INSC: variants seen among roughly 807,000 people sequenced by gnomAD.
The protein encoded by INSC is INSC spindle orientation adaptor protein, also known as protein inscuteable homolog.
Under a neutral mutation model 58.6 loss-of-function variants are expected in INSC, and 67 were observed. The observed-to-expected ratio is 1.14, with a 90% CI of 0.94 to 1.40. The LOEUF is 1.40. Among genes scored for constraint, INSC ranks in the 40% most tolerant of loss-of-function variants. INSC has a pLI of 0.00. For synonymous variants in INSC, 262 were observed against 276.1 expected (o/e 0.95, Z 0.51); for missense variants, 714 against 692.0 (o/e 1.03, Z -0.36).
chr11:15,240,019 CT>C (rs1240939725), intron 11 of INSC, among the ~76,000 whole-genome samples: 7 of 152,068 alleles, frequency 4.6e-5, no homozygotes, highest in South Asian at 4.2e-4. Context: ...ATGAGGGTGT[CT>C]TTTTTTTCTT....
chr11:15,234,143 G>A (rs1852031161), intron 9 of INSC, among the ~76,000 whole-genome samples: 1 of 152,214 alleles, frequency 6.6e-6, no homozygotes. Flanking sequence ...GTGGTACAGA[G>A]TTGCTTTCAG....
Position 15,176,127 on chromosome 11 carries a change from C to A in INSC, c.402+41C>A. The A allele has an allele frequency of 1.4e-6, 2 of 1,447,740 alleles. No individual in the cohort carries two copies. Among genetic ancestry groups the A allele is most frequent in the South Asian group, 2.9e-5 (2 of 69,552 alleles). The allele number at this position is 1,447,740 out of a possible 1,614,324, so 89.7% of individuals were successfully genotyped here. On this transcript the variant is annotated intron_variant, in intron 3 of 12. Transcript: ENST00000379556. Reference sequence around the variant, plus strand: ...ATAGGAGTGGGCGGGAACTGGAAGTCAGGGTGCTTTAGAGAAGAGTGGGTT... The same window carrying A: ...ATAGGAGTGGGCGGGAACTGGAAGTAAGGGTGCTTTAGAGAAGAGTGGGTT...
At chr11:15,190,898 C>T (rs977722771) in intron 6 of INSC, 84 bp downstream of exon 6, 23 of 906,732 alleles carry the variant, frequency 2.5e-5, no homozygotes, top group South Asian at 5.5e-5. Context: ...AGCTGGCTCA[C>T]GAGGTCTGTC....
At chr11:15,234,975 C>T (rs539589432) in intron 9 of INSC, among the ~76,000 whole-genome samples, 1 of 152,326 alleles carries the variant, frequency 6.6e-6, no homozygotes, top group South Asian at 2.1e-4. Context: ...TTCCTACAGG[C>T]AGAGACTTTC....
chr11:15,268,375 A>G, the INSC span, among the ~76,000 whole-genome samples: 1 of 152,062 alleles, frequency 6.6e-6, no homozygotes. Context: ...CTTTCAACAC[A>G]TAATAAAAAT....
chr11:15,178,990 A>G (rs1264760233), intron 5 of INSC, among the ~76,000 whole-genome samples: 1 of 152,204 alleles, frequency 6.6e-6, no homozygotes, highest in Non-Finnish European at 1.5e-5. Context: ...CTGACAACAG[A>G]GAAGAATCTA....
intron 1 of INSC, among the ~76,000 whole-genome samples, chr11:15,140,362 C>T (rs1052129952): frequency 2.0e-5 from 3 of 152,136 alleles, no homozygotes; most frequent in Non-Finnish European, 2.9e-5. Context: ...AGCGTACTTG[C>T]GCTTTCCCAG....
At chr11:15,241,575 G>T in intron 12 of INSC, 1 of 702,926 alleles carries the variant, frequency 1.4e-6, no homozygotes. Context: ...AGGCTATGGG[G>T]ATACAGCTGC....
At chr11:15,234,026 A>C (rs1397847928) in intron 9 of INSC, among the ~76,000 whole-genome samples, 1 of 152,206 alleles carries the variant, frequency 6.6e-6, no homozygotes, top group Admixed American at 6.5e-5. Flanking sequence ...AAGTGCAAAA[A>C]CAAGTAAATA....
At chr11:15,162,833 G>A (rs899199512) in intron 2 of INSC, among the ~76,000 whole-genome samples, 2 of 152,152 alleles carry the variant, frequency 1.3e-5, no homozygotes, top group Non-Finnish European at 2.9e-5. Context: ...TTCTATGAGA[G>A]GGCAGTCCAG....
chr11:15,112,993 G>A (rs1338263084), upstream of INSC, among the ~76,000 whole-genome samples: 1 of 152,130 alleles, frequency 6.6e-6, no homozygotes, highest in Admixed American at 6.5e-5. Flanking sequence ...GAAAGTAGTA[G>A]AGGCAGGATG....
At chr11:15,245,870 G>T in intron 12 of INSC, 42 bp from the exon 13 acceptor site, 1 of 1,599,030 alleles carries the variant, frequency 6.3e-7, no homozygotes, top group Non-Finnish European at 8.6e-7. Context: ...TACCTGACAT[G>T]GCCCAGTCTG....
chr11:15,160,621 A>T (rs922971638), intron 2 of INSC, among the ~76,000 whole-genome samples: 1 of 152,224 alleles, frequency 6.6e-6, no homozygotes, highest in Non-Finnish European at 1.5e-5. Flanking sequence ...ATGAAAGATC[A>T]TAGAGTGTTA....
intron 5 of INSC, among the ~76,000 whole-genome samples, chr11:15,186,255 TTTTTCCAGTAATGA>T (rs1247187298): frequency 2.6e-5 from 4 of 151,748 alleles, no homozygotes; most frequent in African/African-American, 7.3e-5. Context: ...CTACTTTTTT[TTTTTCCAGTAATGA>T]ACTCTGCCCC....
intron 2 of INSC, among the ~76,000 whole-genome samples, chr11:15,150,979 C>T (rs1848630847): frequency 6.6e-6 from 1 of 152,120 alleles, no homozygotes; most frequent in Non-Finnish European, 1.5e-5. Context: ...GCAGTGACAG[C>T]TGCTTTAAAG....
chr11:15,169,854 CTTATA>C (rs1849333750), intron 2 of INSC, among the ~76,000 whole-genome samples: 2 of 152,170 alleles, frequency 1.3e-5, no homozygotes, highest in Admixed American at 6.5e-5. Flanking sequence ...TTGCTGACGT[CTTATA>C]TTACCATGGC....
At chr11:15,115,824 G>A (rs1847679334) in intron 1 of INSC, among the ~76,000 whole-genome samples, 1 of 152,200 alleles carries the variant, frequency 6.6e-6, no homozygotes, top group Non-Finnish European at 1.5e-5. Context: ...ATGTATACCT[G>A]TGGACAACGA....
At chr11:15,125,642 C>A (rs1357755892) in intron 1 of INSC, among the ~76,000 whole-genome samples, 1 of 152,206 alleles carries the variant, frequency 6.6e-6, no homozygotes, top group African/African-American at 2.4e-5. Flanking sequence ...CTGTTCGACC[C>A]ACTTCCATGA....
chr11:15,160,770 C>A (rs1194131154), intron 2 of INSC, among the ~76,000 whole-genome samples: 1 of 152,138 alleles, frequency 6.6e-6, no homozygotes, highest in Non-Finnish European at 1.5e-5. Flanking sequence ...TTACCTGGAG[C>A]TAAATTCATG....
Sources: allele counts gnomAD v4.1 joint callset (sites outside exome capture counted in the v4.1 genomes callset), GRCh38; gene constraint gnomAD v4.1.1; transcripts MANE v1.5; gene names NCBI Gene and HGNC (gene_info 2026-07-23, HGNC 2026-07-21).